Variants in RIF1 observed in about 807,000 individuals in gnomAD.
RIF1 encodes the protein telomere-associated protein RIF1.
RIF1 carries 45 observed loss-of-function variants against 247.1 expected under a neutral mutation model. That is an observed-to-expected ratio of 0.18 (90% CI 0.14 to 0.23). The LOEUF is 0.23. Ranked by LOEUF, RIF1 falls within the 10% of genes least tolerant of loss-of-function variation. The pLI is 1.00. For missense variants in RIF1, 2,967 were observed against 2,862.5 expected (o/e 1.04, Z -0.83); for synonymous variants, 1,087 against 978.8 (o/e 1.11, Z -2.06).
chr2:151,435,975 G>A (rs1310220184), intron 11 of RIF1, among the ~76,000 whole-genome samples: 1 of 152,096 alleles, frequency 6.6e-6, no homozygotes, highest in Non-Finnish European at 1.5e-5. Context: ...TGTAATCCTA[G>A]CACTTTGGGA....
At chr2:151,522,464 A>G in the RIF1 span, among the ~76,000 whole-genome samples, 6 of 152,336 alleles carry the variant, frequency 3.9e-5, no homozygotes, top group Non-Finnish European at 8.8e-5. Flanking sequence ...AGTGTCAGCA[A>G]CCTAACATAC....
chr2:151,525,085 A>C, the RIF1 span: 3 of 1,028,216 alleles, frequency 2.9e-6, no homozygotes, highest in East Asian at 4.7e-5. Context: ...GTGACCACAC[A>C]CTGGAACAAG....
Position 151,499,278 on chromosome 2 carries a change from G to A in RIF1, c.*514-67G>A. ...AAACATTTTTTTAAATAATTAAAGG[G>A]ATTTTTTATTTTTAAATACCGAACT... is the stretch of plus-strand genomic sequence containing the variant. On this transcript the variant is annotated intron_variant and NMD_transcript_variant, in intron 10 of 13. Coordinates refer to the RIF1 transcript ENST00000454583. The A allele has an allele frequency of 8.1e-7, 1 of 1,241,860 alleles. No homozygotes were observed. The allele number at this position is 1,241,860 out of a possible 1,614,324, so 76.9% of individuals were successfully genotyped here.
intron 8 of RIF1, 28 bp from the exon 9 acceptor site, chr2:151,428,756 C>T: frequency 6.4e-7 from 1 of 1,553,054 alleles, no homozygotes; most frequent in Non-Finnish European, 8.9e-7. Context: ...AGATAAATAA[C>T]TTCTTAATGA....
At chr2:151,496,518 T>G in intron 10 of RIF1, 3 of 1,440,770 alleles carry the variant, frequency 2.1e-6, no homozygotes, top group Non-Finnish European at 2.8e-6. Flanking sequence ...ACCAGCTACT[T>G]TAGTGGAAGC....
chr2:151,519,861 A>C, the RIF1 span: 2 of 801,220 alleles, frequency 2.5e-6, no homozygotes, highest in Non-Finnish European at 4.4e-6. Context: ...AAGAATATGC[A>C]TTGTACATAG....
chr2:151,526,865 T>C, the RIF1 span: 9 of 1,255,290 alleles, frequency 7.2e-6, no homozygotes, highest in South Asian at 1.3e-5. Flanking sequence ...GACTGTACCA[T>C]GGAAGATGGC....
In RIF1 at chr2:151,496,195, T is replaced by C. The variant is rs193025560; in HGVS notation, c.*513+869T>C. On this transcript the variant is annotated intron_variant and NMD_transcript_variant, in intron 10 of 13. Coordinates refer to the RIF1 transcript ENST00000454583. ...CAAAATTTAAGTTGTCTTTAAAAAG[T>C]AGGATTAATATGTATTATTTTAAAT... is the stretch of plus-strand genomic sequence containing the variant. 3.7e-4 allele frequency: 505 copies of C among 1,366,794 alleles called. 4 individuals carry two copies. The African/African-American group carries it at 6.7e-3, about 18-fold the overall frequency. 84.7% of individuals were successfully genotyped at this position (1,366,794 alleles called of 1,614,324 possible). A position where few individuals can be genotyped will look rare whatever the true frequency, so the allele number is the denominator to read the frequency against.
chr2:151,410,533 G>A lies in RIF1; in HGVS notation c.104+6G>A. 2 of 1,609,624 alleles carry A rather than the reference G, an allele frequency of 1.2e-6. No individual in the cohort carries two copies. The highest frequency in any genetic ancestry group is 1.7e-6 in the Non-Finnish European group (2 of 1,176,230). On this transcript the variant is annotated splice_donor_region_variant and intron_variant, in intron 2 of 35. Transcript: ENST00000444746. ...GCTTACCTGACTCTGACCAGGTGAG[G>A]TCCGCCACGGGGCGTAGCGGAGAGT...
Position 151,416,572 on chromosome 2 carries a change from C to T in RIF1, c.292C>T (p.Leu98=). 6.2e-7 allele frequency: 1 copy of T among 1,600,388 alleles called. No individual in the cohort carries two copies. The part of the protein sequence containing the change: ...ITSELSEANA[L]ELLSKLNDTI... ...TGCTTGTTTTTCAGAGGCAAATGCT[C>T]TAGAATTGCTTTCAAAATTGAATGA... The change falls in exon 5 of 36, where the codon CTA becomes TTA. Residue 98 remains leucine, a synonymous_variant. Coordinates refer to ENST00000444746, the MANE Select transcript of RIF1 (RefSeq NM_018151.5).
the RIF1 span, chr2:151,526,344 C>G: frequency 3.2e-6 from 3 of 944,296 alleles, no homozygotes; most frequent in African/African-American, 3.3e-5. Context: ...ACCAGTAGAA[C>G]AGCAGCGTTG....
chr2:151,412,682 C>T (rs1187701029), intron 3 of RIF1, among the ~76,000 whole-genome samples: 1 of 152,100 alleles, frequency 6.6e-6, no homozygotes, highest in Non-Finnish European at 1.5e-5. Flanking sequence ...GGGCTTTCAC[C>T]ATGTTGACCA....
chr2:151,457,349 C>T (rs1263571331), intron 23 of RIF1, among the ~76,000 whole-genome samples: 1 of 152,134 alleles, frequency 6.6e-6, no homozygotes, highest in Admixed American at 6.5e-5. Context: ...TCTCAAATTC[C>T]TGAGCTCAAG....
intron 34 of RIF1, 85 bp from the exon 35 acceptor site, chr2:151,473,875 GTGTT>G: frequency 1.4e-6 from 1 of 734,660 alleles, no homozygotes; most frequent in Non-Finnish European, 2.5e-6. Flanking sequence ...ATGTTTTCCA[GTGTT>G]TGTACTATTA....
chr2:151,459,264 A>T (rs1474797625), intron 25 of RIF1, among the ~76,000 whole-genome samples: 1 of 152,212 alleles, frequency 6.6e-6, no homozygotes, highest in Non-Finnish European at 1.5e-5. Flanking sequence ...TGATTTTCTC[A>T]ATTCTTCTAT....
rs2064473141 is a variant in RIF1 at position 151,501,455 on chromosome 2, C to G, written c.*710-1579C>G. On this transcript the variant is annotated intron_variant and NMD_transcript_variant, in intron 11 of 13. Coordinates refer to the RIF1 transcript ENST00000454583. ...CTCAGGAGTGACAGGTAGGGGAGTC[C>G]CCTTGCTCAAGTTCTCTTTGTACAA... 1 of 1,532,002 alleles carries G rather than the reference C, an allele frequency of 6.5e-7. No individual in the cohort carries two copies. The highest frequency in any genetic ancestry group is 8.8e-7 in the Non-Finnish European group (1 of 1,136,858). 94.9% of individuals were successfully genotyped at this position (1,532,002 alleles called of 1,614,324 possible). A position where few individuals can be genotyped will look rare whatever the true frequency, so the allele number is the denominator to read the frequency against.
intron 8 of RIF1, among the ~76,000 whole-genome samples, chr2:151,428,147 T>G (rs931759683): frequency 1.3e-5 from 2 of 152,182 alleles, no homozygotes; most frequent in Non-Finnish European, 2.9e-5. Flanking sequence ...GAGAATCACT[T>G]GAACCCAGGA....
chr2:151,438,344 G>T (rs1573990858), intron 13 of RIF1, among the ~76,000 whole-genome samples: 1 of 152,050 alleles, frequency 6.6e-6, no homozygotes. Flanking sequence ...TGGGTGTAGT[G>T]GTGTGTACCT....
intron 11 of RIF1, among the ~76,000 whole-genome samples, chr2:151,500,443 T>G (rs919357605): frequency 5.3e-5 from 8 of 151,810 alleles, no homozygotes; most frequent in African/African-American, 7.3e-5. Flanking sequence ...ATTTGTGTGT[T>G]AGAGTTTTTC....
Sources: allele counts gnomAD v4.1 joint callset (sites outside exome capture counted in the v4.1 genomes callset), GRCh38; gene constraint gnomAD v4.1.1; transcripts MANE v1.5; gene names NCBI Gene and HGNC (gene_info 2026-07-23, HGNC 2026-07-21).